The following CAAP1 variants were observed in gnomAD, a reference collection of about 807,000 sequenced individuals.
CAAP1 encodes the protein conserved anti-apoptotic protein.
CAAP1 carries 20 observed loss-of-function variants against 34.0 expected under a neutral mutation model. That is an observed-to-expected ratio of 0.59 (90% CI 0.41 to 0.86). The LOEUF is 0.86. Ranked by LOEUF, CAAP1 falls within the 40% of genes least tolerant of loss-of-function variation. The pLI, the probability that CAAP1 is intolerant of heterozygous loss-of-function variation, is 0.00. For missense variants in CAAP1, 538 were observed against 450.5 expected (o/e 1.19, Z -1.76); for synonymous variants, 213 against 166.7 (o/e 1.28, Z -2.14).
At chr9:26,856,786 T>C (rs913034227) in intron 5 of CAAP1, among the ~76,000 whole-genome samples, 14 of 152,238 alleles carry the variant, frequency 9.2e-5, no homozygotes, top group African/African-American at 3.1e-4. Context: ...CCTTCAAATA[T>C]TTTACAGCAA....
At chr9:26,856,223 G>A (rs1358660973) in intron 5 of CAAP1, among the ~76,000 whole-genome samples, 1 of 152,042 alleles carries the variant, frequency 6.6e-6, no homozygotes, top group East Asian at 1.9e-4. Context: ...ACATGCGACA[G>A]TTAATGTACA....
rs1214679628 is a variant in CAAP1 at position 26,892,596 on chromosome 9, A to C, written c.120T>G (p.Thr40=). 6.2e-7 allele frequency: 1 copy of C among 1,607,554 alleles called. No individual in the cohort carries two copies. Among genetic ancestry groups the C allele is most frequent in the Admixed American group, 1.7e-5 (1 of 59,382 alleles). The change falls in exon 1 of 6, where the codon ACT becomes ACG. Residue 40 remains threonine, a synonymous_variant. Coordinates refer to ENST00000333916, the MANE Select transcript of CAAP1 (RefSeq NM_024828.4). ...PALASGSSGS[T]SGCGSAGGCG... ...AGCCCCCGGCGCTCCCGCAGCCGCTAGTGCTTCCACTGCTGCCGCTGGCCA... is the reference window on the plus strand; with the variant it reads ...AGCCCCCGGCGCTCCCGCAGCCGCTCGTGCTTCCACTGCTGCCGCTGGCCA...
In CAAP1 at chr9:26,861,157, G is replaced by A; in HGVS notation, c.666-18C>T. On this transcript the variant is annotated intron_variant, in intron 4 of 5. Transcript: ENST00000333916. The stretch of plus-strand genomic sequence containing the variant: ...TGTCTTGCCTGGGAAATGAAAATAA[G>A]ATCAACCTTTAAAACTATATTTAAT... The A allele has an allele frequency of 1.3e-6, 2 of 1,556,750 alleles. No individual in the cohort carries two copies. Among genetic ancestry groups the A allele is most frequent in the Non-Finnish European group, 1.8e-6 (2 of 1,129,882 alleles).
rs539625892 is a variant in CAAP1 at position 26,843,477 on chromosome 9, CT to C, written c.740-831del. On this transcript the variant is annotated intron_variant, in intron 5 of 5. Transcript: ENST00000333916. Reference sequence around the variant, plus strand: ...TTTTTGTGTGTTTTTCTTGCATTTTCTTTTTTTTCTTTTTATTTTATTATTA... The same window carrying C: ...TTTTTGTGTGTTTTTCTTGCATTTTCTTTTTTTCTTTTTATTTTATTATTA... Among the ~76,000 whole-genome samples, 19 of 151,590 alleles carry C rather than the reference CT, an allele frequency of 1.3e-4. No homozygotes were observed. The East Asian group carries it at 3.1e-3, about 25-fold the overall frequency.
In CAAP1 at chr9:26,884,861, A is replaced by C. The variant is rs1464861767; in HGVS notation, c.614T>G (p.Met205Arg). 1 of 1,609,060 alleles carries C rather than the reference A, an allele frequency of 6.2e-7. No individual in the cohort carries two copies. The highest frequency in any genetic ancestry group is 1.7e-5 in the Admixed American group (1 of 59,980). Residue 205 changes from methionine to arginine, a missense_variant, in exon 4 of 6, where the codon ATG becomes AGG. Coordinates refer to ENST00000333916, the MANE Select transcript of CAAP1 (RefSeq NM_024828.4). ...AGAACCATCATCTGCTTCCTCTTCC[A>C]TATCAGAGTCCATTCCATTGTCACC... ...LEGDNGMDSD[M>R]EEEADDGSKM...
chr9:26,866,540 A>G (rs1823143210), intron 4 of CAAP1, among the ~76,000 whole-genome samples: 1 of 152,208 alleles, frequency 6.6e-6, no homozygotes, highest in South Asian at 2.1e-4. Context: ...TCAAATAAGT[A>G]AGTTGTTAAA....
intron 4 of CAAP1, among the ~76,000 whole-genome samples, chr9:26,871,431 G>C (rs1823271632): frequency 6.6e-6 from 1 of 151,946 alleles, no homozygotes; most frequent in South Asian, 2.1e-4. Flanking sequence ...ACAAAGATTA[G>C]CCAGGCACAG....
At position 26,892,628 on chromosome 9, in the gene CAAP1, G is replaced by T; in HGVS notation, c.88C>A (p.Pro30Thr). ...CCACTGCTGCCGCTGGCCAACGCGGGTACGATGTCCGGGGCCGCGAGCGCT... is the reference window on the plus strand; with the variant it reads ...CCACTGCTGCCGCTGGCCAACGCGGTTACGATGTCCGGGGCCGCGAGCGCT... Reference protein sequence around the residue: ...AAALAAPDIVPALASGSSGST... With the variant: ...AAALAAPDIVTALASGSSGST... The change falls in exon 1 of 6, where the codon CCC becomes ACC. Residue 30 changes from proline (P) to threonine (T), a missense_variant. Transcript: ENST00000333916. 6.2e-7 allele frequency: 1 copy of T among 1,609,248 alleles called. No individual in the cohort carries two copies. The highest frequency in any genetic ancestry group is 1.1e-5 in the South Asian group (1 of 90,970).
chr9:26,884,854 C>T lies in CAAP1; in HGVS notation c.621G>A (p.Glu207=). 6.2e-7 allele frequency: 1 copy of T among 1,609,576 alleles called. No homozygotes were observed. The highest frequency in any genetic ancestry group is 1.3e-5 in the African/African-American group (1 of 75,006). ...GDNGMDSDME[E]EADDGSKMGS... The stretch of plus-strand genomic sequence containing the variant: ...CCATCTTAGAACCATCATCTGCTTC[C>T]TCTTCCATATCAGAGTCCATTCCAT... Residue 207 remains glutamate (E), a synonymous_variant, in exon 4 of 6, where the codon GAG becomes GAA. Transcript: ENST00000333916.
At chr9:26,845,565 G>A (rs546545562) in intron 5 of CAAP1, among the ~76,000 whole-genome samples, 18 of 152,218 alleles carry the variant, frequency 1.2e-4, no homozygotes, top group African/African-American at 3.4e-4. Context: ...TAATGGAGAC[G>A]GGGTTTCACC....
intron 5 of CAAP1, among the ~76,000 whole-genome samples, chr9:26,844,510 G>GA (rs1195024064): frequency 6.6e-6 from 1 of 152,106 alleles, no homozygotes; most frequent in Non-Finnish European, 1.5e-5. Flanking sequence ...ACAAATTTTT[G>GA]AAAAATGTGA....
chr9:26,887,422 G>T lies in CAAP1; in HGVS notation c.395C>A (p.Ser132Ter). 1 of 1,613,112 alleles carries T rather than the reference G, an allele frequency of 6.2e-7. No homozygotes were observed. The highest frequency in any genetic ancestry group is 1.1e-5 in the South Asian group (1 of 90,924). Residue 132 changes from serine (S) to a stop codon, truncating the protein, a stop_gained, in exon 2 of 6, where the codon TCA becomes TAA. Coordinates refer to ENST00000333916, the MANE Select transcript of CAAP1 (RefSeq NM_024828.4). LOFTEE classifies it high-confidence loss of function. ...LEEGGLDLTV[S>*]LKPVSFYISD... Reference sequence around the variant, plus strand: ...TATATAGAAACTAACTGGTTTCAATGACACAGTCAGGTCCAGTCCACCTTC... The same window carrying T: ...TATATAGAAACTAACTGGTTTCAATTACACAGTCAGGTCCAGTCCACCTTC...
chr9:26,881,139 T>C (rs1000292793), intron 4 of CAAP1, among the ~76,000 whole-genome samples: 2 of 151,982 alleles, frequency 1.3e-5, no homozygotes, highest in African/African-American at 4.8e-5. Context: ...CAAGACCCCA[T>C]CTAATTTAAT....
chr9:26,871,770 A>G (rs1261347073), intron 4 of CAAP1, among the ~76,000 whole-genome samples: 2 of 151,126 alleles, frequency 1.3e-5, no homozygotes, highest in Non-Finnish European at 2.9e-5. Context: ...CTACAAGACA[A>G]AAACTAGCTG....
Position 26,844,175 on chromosome 9 carries a change from T to C in CAAP1, c.740-1528A>G, listed in dbSNP as rs149151892. 2.8e-3 allele frequency among the ~76,000 whole-genome samples: 426 copies of C among 152,162 alleles called. 1 individual carries two copies. The highest frequency in any genetic ancestry group is 7.9e-3 in the African/African-American group (330 of 41,510). On this transcript the variant is annotated intron_variant, in intron 5 of 5. Transcript: ENST00000333916. Reference sequence around the variant, plus strand: ...GAGTTTGAGACCAGCCTGACCAACATGGAGAAATCCCATCTCTACTAAAAA... The same window carrying C: ...GAGTTTGAGACCAGCCTGACCAACACGGAGAAATCCCATCTCTACTAAAAA...
intron 5 of CAAP1, among the ~76,000 whole-genome samples, chr9:26,859,488 ATTCTC>A (rs1465831807): frequency 2.0e-5 from 3 of 152,180 alleles, no homozygotes; most frequent in Non-Finnish European, 4.4e-5. Context: ...TTTATAGAAC[ATTCTC>A]TTCTCCTCAG....
chr9:26,872,553 A>T (rs987624414), intron 4 of CAAP1, among the ~76,000 whole-genome samples: 23 of 142,552 alleles, frequency 1.6e-4, no homozygotes, highest in Middle Eastern at 3.7e-3. Context: ...ATATACATAT[A>T]ATATATATAT....
At chr9:26,853,402 G>C (rs1395461445) in intron 5 of CAAP1, among the ~76,000 whole-genome samples, 5 of 152,102 alleles carry the variant, frequency 3.3e-5, no homozygotes, top group African/African-American at 1.2e-4. Flanking sequence ...AATGCTTATT[G>C]GACATTTAAT....
At chr9:26,847,845 T>C (rs954814685) in intron 5 of CAAP1, among the ~76,000 whole-genome samples, 21 of 152,192 alleles carry the variant, frequency 1.4e-4, no homozygotes, top group Non-Finnish European at 2.4e-4. Context: ...ATTAGTTTTG[T>C]CATCAGTTAA....
Sources: gnomAD v4.1 joint callset for allele counts (sites outside exome capture counted in the v4.1 genomes callset) on GRCh38, gnomAD v4.1.1 for gene constraint, MANE v1.5 for transcripts, NCBI Gene and HGNC (gene_info 2026-07-23, HGNC 2026-07-21) for gene names.